The following CIC variants were observed in gnomAD, a reference collection of about 807,000 sequenced individuals.
CIC encodes protein capicua homolog.
CIC carries 18 observed loss-of-function variants against 115.7 expected under a neutral mutation model. That is an observed-to-expected ratio of 0.16 (90% CI 0.11 to 0.23). CIC has a LOEUF of 0.23. CIC is among the 10% of genes least tolerant of loss of function. CIC has a pLI of 1.00. For synonymous variants in CIC, 1,076 were observed against 923.0 expected (o/e 1.17, Z -3.01); for missense variants, 2,000 against 2,159.3 (o/e 0.93, Z 1.46).
rs1234015660 is a variant in CIC, at chr19:42,294,291, C to T, written c.7041C>T (p.Thr2347=). 1.9e-6 allele frequency: 3 copies of T among 1,613,400 alleles called. No individual in the cohort carries two copies. The highest frequency in any genetic ancestry group is 1.7e-6 in the Non-Finnish European group (2 of 1,180,030). Residue 2347 remains threonine, a synonymous_variant, in exon 19 of 21, where the codon ACC becomes ACT. Coordinates refer to ENST00000681038, the MANE Select transcript of CIC (RefSeq NM_001386298.1). ...CCAAGTGCGAGGGGGACATCTTCAC[C>T]TTTGACCGTACAGGTGCCGTGGTGG... ...KSAKCEGDIF[T]FDRTGTEAED...
In CIC at chr19:42,292,742, C is replaced by T. The variant is rs752934273; in HGVS notation, c.6079C>T (p.Leu2027=). ...CCAGCCATCCCAGGCCCCCCCAAGC[C>T]TGGTCTACACTGTGGCCACCAGCAC... is the stretch of plus-strand genomic sequence containing the variant. ...LAQPSQAPPS[L]VYTVATSTTP... The change falls in exon 15 of 21, where the codon CTG becomes TTG. Residue 2027 remains leucine (L), a synonymous_variant. Coordinates refer to ENST00000681038, the MANE Select transcript of CIC (RefSeq NM_001386298.1). 1 of 1,613,650 alleles carries T rather than the reference C, an allele frequency of 6.2e-7. No individual in the cohort carries two copies. Among genetic ancestry groups the T allele is most frequent in the Admixed American group, 1.7e-5 (1 of 60,000 alleles).
chr19:42,289,751 C>G, intron 9 of CIC, 97 bp from the exon 10 acceptor site: 1 of 1,107,576 alleles, frequency 9.0e-7, no homozygotes, highest in South Asian at 1.3e-5. Context: ...CACTCCCTGC[C>G]GGTTTGGAGC....
rs1437022134 is a variant in CIC at position 42,291,004 on chromosome 19, G to T, written c.4963G>T (p.Ala1655Ser). ...CACCTCACCAGCCCCACACTTGGTG[G>T]CTGGACCCCTGCTGGGCACTGTGGG... ...AATSPAPHLV[A>S]GPLLGTVGKA... Residue 1655 changes from alanine (A) to serine (S), a missense_variant, in exon 11 of 21, where the codon GCT becomes TCT. Physicochemically the swap from Ala to Ser is moderately conservative, Grantham distance 99. Around this residue, in one of 8 missense-constraint regions of CIC, gnomAD observed 1,466 missense variants for 1,390.4 expected, o/e 1.05. Coordinates refer to ENST00000681038, the MANE Select transcript of CIC (RefSeq NM_001386298.1). The T allele has an allele frequency of 6.2e-7, 1 of 1,613,792 alleles. No homozygotes were observed. Among genetic ancestry groups the T allele is most frequent in the East Asian group, 2.2e-5 (1 of 44,886 alleles).
chr19:42,292,950 C>G lies in CIC; in HGVS notation c.6197-6C>G. The G allele has an allele frequency of 6.2e-7, 1 of 1,613,870 alleles. No individual in the cohort carries two copies. Among genetic ancestry groups the G allele is most frequent in the Non-Finnish European group, 8.5e-7 (1 of 1,180,006 alleles). ...CTGGCTCAGCAAACAATTTTCTCCCCACTAGCAGGTTCCATGACCTACAGC... is the reference window on the plus strand; with the variant it reads ...CTGGCTCAGCAAACAATTTTCTCCCGACTAGCAGGTTCCATGACCTACAGC... On this transcript the variant is annotated splice_region_variant and splice_polypyrimidine_tract_variant and intron_variant, in intron 15 of 20. Transcript: ENST00000681038.
Position 42,294,680 on chromosome 19 carries a change from C to T in CIC, c.7131C>T (p.Asp2377=), listed in dbSNP as rs1403416262. Reference sequence around the variant, plus strand: ...ACTCCTCCCTGCGGCGCACCCTGGACCAGCGCCGGGCCCTGGTCATGCAGC... The same window carrying T: ...ACTCCTCCCTGCGGCGCACCCTGGATCAGCGCCGGGCCCTGGTCATGCAGC... ...VPYSSLRRTL[D]QRRALVMQLF... The change falls in exon 20 of 21, where the codon GAC becomes GAT. Residue 2377 remains aspartate, a synonymous_variant. Transcript: ENST00000681038. The T allele has an allele frequency of 3.1e-6, 5 of 1,613,804 alleles. No homozygotes were observed. Among genetic ancestry groups the T allele is most frequent in the Non-Finnish European group, 4.2e-6 (5 of 1,180,008 alleles).
chr19:42,294,998 C>T lies in CIC; in HGVS notation c.7361C>T (p.Ala2454Val), dbSNP rs2038412708. The T allele has an allele frequency of 6.3e-7, 1 of 1,595,960 alleles. No homozygotes were observed. Among genetic ancestry groups the T allele is most frequent in the Non-Finnish European group, 8.5e-7 (1 of 1,177,658 alleles). The part of the protein sequence containing the change: ...LPVPPPTGTA[A>V]APAPTPSPAG... ...GTACCGCCCCCCACTGGCACCGCTG[C>T]TGCCCCTGCCCCCACTCCCAGCCCC... Residue 2454 changes from alanine to valine, a missense_variant, in exon 21 of 21, where the codon GCT (alanine) becomes GTT (valine). Physicochemically the swap from Ala to Val is moderately conservative, Grantham distance 64 (BLOSUM62 0). Transcript: ENST00000681038.
In CIC at chr19:42,289,159, C is replaced by T. The variant is rs762838417; in HGVS notation, c.3862-22C>T. 11 of 1,613,254 alleles carry T rather than the reference C, an allele frequency of 6.8e-6. No individual in the cohort carries two copies. The East Asian group carries it at 2.2e-4, about 33-fold the overall frequency. ...TCCAGGGCAGCAGCCCCGCTGAACCCTCTCTGCCACCTATCCTGCAGATGG... is the reference window on the plus strand; with the variant it reads ...TCCAGGGCAGCAGCCCCGCTGAACCTTCTCTGCCACCTATCCTGCAGATGG... On this transcript the variant is annotated intron_variant, in intron 8 of 20. Transcript: ENST00000681038.
chr19:42,271,763 C>T lies in CIC; in HGVS notation c.-10-11C>T, dbSNP rs1439987552. On this transcript the variant is annotated splice_polypyrimidine_tract_variant and intron_variant, in intron 1 of 20. Coordinates refer to ENST00000681038, the MANE Select transcript of CIC (RefSeq NM_001386298.1). ...TTGCTCCGCGTAATCCTCCGCTCTC[C>T]CACCCTGCAGGTGGACAAAAATGAA... 3 of 398,568 alleles carry T rather than the reference C, an allele frequency of 7.5e-6. No homozygotes were observed. The highest frequency in any genetic ancestry group is 1.3e-5 in the Non-Finnish European group (3 of 226,130). The allele number at this position is 398,568 out of a possible 1,614,324, so 24.7% of individuals were successfully genotyped here. A position where few individuals can be genotyped will look rare whatever the true frequency, so the allele number is the denominator to read the frequency against.
At chr19:42,291,840 T>G in intron 12 of CIC, 95 bp downstream of exon 12, 1 of 1,484,308 alleles carries the variant, frequency 6.7e-7, no homozygotes, top group Non-Finnish European at 9.4e-7. Context: ...CTTCTCCATG[T>G]ATCTGGTTCT....
intron 2 of CIC, among the ~76,000 whole-genome samples, chr19:42,281,808 G>A (rs1343888598): frequency 1.3e-5 from 2 of 152,212 alleles, no homozygotes; most frequent in Non-Finnish European, 2.9e-5. Context: ...CTCCTCCGTG[G>A]GCACTGTGTA....
At position 42,274,394 on chromosome 19, in the gene CIC, G is replaced by A. The variant is rs900471368; in HGVS notation, c.2611G>A (p.Val871Met). 8 of 398,890 alleles carry A rather than the reference G, an allele frequency of 2.0e-5. No individual in the cohort carries two copies. Among genetic ancestry groups the A allele is most frequent in the Admixed American group, 8.8e-5 (2 of 22,724 alleles). The allele number at this position is 398,890 out of a possible 1,614,324, so 24.7% of individuals were successfully genotyped here. The stretch of plus-strand genomic sequence containing the variant: ...TCTGCCAGCCCCCGTGCCCATCACC[G>A]TGCCTCCAGCTGCACCAACTGCCGT... ...PPLPAPVPIT[V>M]PPAAPTAVAQ... is the part of the protein sequence containing the mutation. The change falls in exon 2 of 21, where the codon GTG becomes ATG. Residue 871 changes from valine (V) to methionine (M), a missense_variant. By Grantham distance (21) the Val-to-Met change is conservative. This residue lies in a region of CIC where 222 missense variants were observed against 247.7 expected (regional missense o/e 0.90). Coordinates refer to ENST00000681038, the MANE Select transcript of CIC (RefSeq NM_001386298.1).
At chr19:42,285,675 C>T (rs781566342) in intron 2 of CIC, among the ~76,000 whole-genome samples, 3 of 152,196 alleles carry the variant, frequency 2.0e-5, no homozygotes, top group Non-Finnish European at 2.9e-5. Context: ...TTCCCTCCTC[C>T]CTTCTTCATC....
In CIC at chr19:42,272,243, C is replaced by G. The variant is rs1229571668; in HGVS notation, c.460C>G (p.Pro154Ala). ...GGAGGCCAGTGGCCTGGGGGTGCCT[C>G]CACGGCCACCCACCTCCACTCGTTC... ...PEEASGLGVP[P>A]RPPTSTRSSS... is the part of the protein sequence containing the mutation. Residue 154 changes from proline (P) to alanine (A), a missense_variant, in exon 2 of 21, where the codon CCA (proline) becomes GCA (alanine). Around this residue, in one of 8 missense-constraint regions of CIC, gnomAD observed 222 missense variants for 247.7 expected, o/e 0.90. Transcript: ENST00000681038. 5.0e-6 allele frequency: 2 copies of G among 398,588 alleles called. No homozygotes were observed. The highest frequency in any genetic ancestry group is 2.1e-5 in the African/African-American group (1 of 48,738). The allele number at this position is 398,588 out of a possible 1,614,324, so 24.7% of individuals were successfully genotyped here.
At chr19:42,290,134 A>G (rs1403599024) in intron 10 of CIC, 99 bp from the exon 11 acceptor site, 1 of 1,561,892 alleles carries the variant, frequency 6.4e-7, no homozygotes, top group East Asian at 2.2e-5. Context: ...GTGCAGCCCT[A>G]GGCTGGCCTG....
At chr19:42,292,893 TGGG>T in intron 15 of CIC, 34 bp downstream of exon 15, 1 of 1,613,740 alleles carries the variant, frequency 6.2e-7, no homozygotes, top group Admixed American at 1.7e-5. Flanking sequence ...CAGAGTGAGT[TGGG>T]GGACCCAGGG....
chr19:42,287,473 T>G lies in CIC; in HGVS notation c.3309+24T>G, dbSNP rs1350212857. On this transcript the variant is annotated intron_variant, in intron 5 of 20. Coordinates refer to ENST00000681038, the MANE Select transcript of CIC (RefSeq NM_001386298.1). This position sits in a 1 kb window ranked among gnomAD's most constrained non-coding sequence, Gnocchi z 8.7. ...AGGTACTTTATCCCTGCCTGTCCTG[T>G]GCTCACCCCGTGGCCACCCACACCT... 1.2e-6 allele frequency: 2 copies of G among 1,612,324 alleles called. No homozygotes were observed. The highest frequency in any genetic ancestry group is 2.7e-5 in the African/African-American group (2 of 74,926).
At chr19:42,288,172 C>T (rs2037795472) in intron 7 of CIC, among the ~76,000 whole-genome samples, 197 bp downstream of exon 7, 1 of 152,234 alleles carries the variant, frequency 6.6e-6, no homozygotes, top group South Asian at 2.1e-4. Context: ...ACTAAGATTC[C>T]CAAACAGCAA....
chr19:42,291,066 C>G lies in CIC; in HGVS notation c.5025C>G (p.Gly1675=). Residue 1675 remains glycine (G), a synonymous_variant, in exon 11 of 21, where the codon GGC becomes GGG. Transcript: ENST00000681038. ...APATVTNLLV[G]TPGYGAPAPP... ...CCACTGTCACTAACCTACTGGTGGG[C>G]ACCCCGGGGTATGGGGCCCCTGCGC... The G allele has an allele frequency of 6.2e-7, 1 of 1,613,844 alleles. No homozygotes were observed. The highest frequency in any genetic ancestry group is 8.5e-7 in the Non-Finnish European group (1 of 1,179,906).
At position 42,272,764 on chromosome 19, in the gene CIC, G is replaced by A. The variant is rs1338193998; in HGVS notation, c.981G>A (p.Glu327=). 7.5e-6 allele frequency: 3 copies of A among 398,700 alleles called. No homozygotes were observed. The highest frequency in any genetic ancestry group is 6.2e-5 in the African/African-American group (3 of 48,604). 24.7% of individuals were successfully genotyped at this position (398,700 alleles called of 1,614,324 possible). ...AGCCACTGCACCGTGAGCCAGAGGA[G>A]GCTGTGTGGGTGGCCCGCTCCAGCC... ...PPQPLHREPE[E]AVWVARSSLR... The change falls in exon 2 of 21, where the codon GAG becomes GAA. Residue 327 remains glutamate, a synonymous_variant. Transcript: ENST00000681038.
Sources: allele counts gnomAD v4.1 joint callset (sites outside exome capture counted in the v4.1 genomes callset), GRCh38; gene constraint gnomAD v4.1.1; regional missense constraint gnomAD v4.1.1; non-coding constraint Gnocchi (gnomAD v3.1); transcripts MANE v1.5; gene names NCBI Gene and HGNC (gene_info 2026-07-23, HGNC 2026-07-21).